The following KIAA1671 variants were observed in gnomAD, a reference collection of about 807,000 sequenced individuals.
KIAA1671 encodes KIAA1671.
KIAA1671 carries 52 observed loss-of-function variants against 131.2 expected under a neutral mutation model. That is an observed-to-expected ratio of 0.40 (90% CI 0.32 to 0.50). KIAA1671 has a LOEUF of 0.50. Ranked by LOEUF, KIAA1671 falls within the 20% of genes least tolerant of loss-of-function variation. The pLI is 0.73. For missense variants in KIAA1671, 2,360 were observed against 2,364.2 expected, an observed-to-expected ratio of 1.00 and a Z score of 0.04; for synonymous variants, 1,003 against 961.6, an observed-to-expected ratio of 1.04 and a Z score of -0.80.
chr22:25,015,842 T>C (rs1028022478), intron 1 of KIAA1671, among the ~76,000 whole-genome samples: 2 of 152,298 alleles, frequency 1.3e-5, no homozygotes, highest in African/African-American at 2.4e-5. Context: ...CGCACTCTGA[T>C]GGAATTTACA....
intron 1 of KIAA1671, chr22:25,022,768 C>A (rs1602074224): frequency 6.6e-6 from 1 of 152,220 alleles, no homozygotes; most frequent in African/African-American, 2.4e-5. Context: ...TGCCTTTGTT[C>A]TCCATCTGTT....
intron 11 of KIAA1671, chr22:25,186,544 C>T (rs1934481413): frequency 6.6e-6 from 1 of 152,252 alleles, no homozygotes; most frequent in Admixed American, 6.5e-5. Context: ...AGATGGAGGC[C>T]ATGATCGTGC....
chr22:25,184,862 G>C, intron 10 of KIAA1671, 115 bp from the exon 11 acceptor site: 1 of 1,201,286 alleles, frequency 8.3e-7, no homozygotes, highest in South Asian at 1.3e-5. Flanking sequence ...GGTTTATTCC[G>C]ATTCAGGGGG....
intron 6 of KIAA1671, among the ~76,000 whole-genome samples, chr22:25,117,416 G>A (rs1434226377): frequency 1.3e-5 from 2 of 152,128 alleles, no homozygotes; most frequent in Non-Finnish European, 1.5e-5. Context: ...TGTCGGCCTT[G>A]CTGGGAGCAT....
At position 25,196,108 on chromosome 22, in the gene KIAA1671, C is replaced by G. The variant is rs1934818166; in HGVS notation, c.*3707C>G. 1 of 152,162 alleles carries G rather than the reference C, an allele frequency of 6.6e-6. No homozygotes were observed. The highest frequency in any genetic ancestry group is 1.5e-5 in the Non-Finnish European group (1 of 68,060). 9.4% of individuals were successfully genotyped at this position (152,162 alleles called of 1,614,324 possible). On this transcript the variant is annotated 3_prime_UTR_variant, in exon 13 of 13. Transcript: ENST00000358431. ...AAAAAGCTGGTAGGCATGAGTGTGC[C>G]AGGTCTTTGCCAGCCTGCGTCTCCT...
chr22:25,084,232 T>G (rs1929572197), intron 6 of KIAA1671, among the ~76,000 whole-genome samples: 1 of 152,102 alleles, frequency 6.6e-6, no homozygotes, highest in South Asian at 2.1e-4. Context: ...ATCCCAGCAC[T>G]TTGGGAGGCC....
intron 6 of KIAA1671, among the ~76,000 whole-genome samples, chr22:25,145,686 C>G (rs8135949): frequency 0.029 from 4,461 of 152,304 alleles, 194 homozygotes; most frequent in African/African-American, 0.1. Flanking sequence ...CGCCTGTAAT[C>G]CCAGCATTTT....
At chr22:24,982,090 C>T (rs1383523479) in intron 1 of KIAA1671, among the ~76,000 whole-genome samples, 3 of 152,142 alleles carry the variant, frequency 2.0e-5, no homozygotes, top group African/African-American at 7.2e-5. Flanking sequence ...CATCCACGCA[C>T]CACTTGAGTG....
At chr22:25,009,141 C>T (rs552557546) in intron 1 of KIAA1671, among the ~76,000 whole-genome samples, 2 of 151,830 alleles carry the variant, frequency 1.3e-5, no homozygotes, top group East Asian at 1.9e-4. Context: ...CCCGAGACTT[C>T]ACAATACCAA....
chr22:25,161,883 C>T (rs1020489226), intron 6 of KIAA1671, among the ~76,000 whole-genome samples: 14 of 152,096 alleles, frequency 9.2e-5, no homozygotes, highest in Non-Finnish European at 1.3e-4. Context: ...GGCATGCCTC[C>T]CACTGCTTGG....
chr22:25,031,682 G>A (rs1273754787), intron 3 of KIAA1671, among the ~76,000 whole-genome samples: 1 of 152,272 alleles, frequency 6.6e-6, no homozygotes, highest in Admixed American at 6.5e-5. Flanking sequence ...TGTAGCCGGG[G>A]CTGACAACCC....
Position 25,029,456 on chromosome 22 carries a change from G to A in KIAA1671, c.1457G>A (p.Trp486Ter). Residue 486 changes from tryptophan to a stop codon, truncating the protein, a stop_gained, in exon 3 of 13, where the codon TGG becomes TAG. Coordinates refer to ENST00000358431, the MANE Select transcript of KIAA1671 (RefSeq NM_001145206.2). LOFTEE classifies it high-confidence loss of function. ...VVSVQERIRG[W>*]TAESSEAKPE... ...AGCGTTCAGGAACGGATCAGAGGCT[G>A]GACTGCCGAGAGCTCAGAGGCTAAG... 6.4e-7 allele frequency: 1 copy of A among 1,551,342 alleles called. No homozygotes were observed.
At chr22:24,993,861 T>G (rs1923969342) in intron 1 of KIAA1671, among the ~76,000 whole-genome samples, 1 of 152,058 alleles carries the variant, frequency 6.6e-6, no homozygotes, top group East Asian at 1.9e-4. Context: ...GTTGGATCAC[T>G]TGAGGTCAGG....
chr22:25,102,413 A>T (rs1339845340), intron 6 of KIAA1671: 1 of 152,024 alleles, frequency 6.6e-6, no homozygotes, highest in Admixed American at 6.6e-5. Context: ...TAGAAAAACG[A>T]TCATCCCTTG....
chr22:25,086,965 A>G (rs1929757358), intron 6 of KIAA1671, among the ~76,000 whole-genome samples: 1 of 152,172 alleles, frequency 6.6e-6, no homozygotes, highest in Admixed American at 6.5e-5. Context: ...CAGGCCTGTT[A>G]ACCCCCAAAC....
intron 1 of KIAA1671, among the ~76,000 whole-genome samples, chr22:24,971,550 G>C (rs937020329): frequency 1.3e-5 from 2 of 152,132 alleles, no homozygotes; most frequent in Admixed American, 1.3e-4. Context: ...CTGTTTCTCT[G>C]TTTTAGTTTC....
chr22:25,007,478 C>G (rs563777957), intron 1 of KIAA1671, among the ~76,000 whole-genome samples: 2 of 148,752 alleles, frequency 1.3e-5, no homozygotes, highest in African/African-American at 5.0e-5. Context: ...GAGTGAGACT[C>G]GGTCTCAAAA....
At position 25,181,344 on chromosome 22, in the gene KIAA1671, G is replaced by A. The variant is rs185607753; in HGVS notation, c.5075-355G>A. Among the ~76,000 whole-genome samples, 3 of 152,292 alleles carry A rather than the reference G, an allele frequency of 2.0e-5. No individual in the cohort carries two copies. In the East Asian group the frequency reaches 5.8e-4, roughly 29 times the overall value. On this transcript the variant is annotated intron_variant, in intron 9 of 12. Coordinates refer to ENST00000358431, the MANE Select transcript of KIAA1671 (RefSeq NM_001145206.2). ...ATTCTCCTCTGAGAGCATAACCTCG[G>A]TGCATTGTTGGCTGAAAGCATTCCT...
At chr22:25,025,434 T>C (rs966679584) in intron 1 of KIAA1671, among the ~76,000 whole-genome samples, 199 bp from the exon 2 acceptor site, 11 of 152,184 alleles carry the variant, frequency 7.2e-5, no homozygotes, top group African/African-American at 2.7e-4. Context: ...AAGATTTTTA[T>C]TGAGCACGTA....
Sources: allele counts gnomAD v4.1 joint callset (sites outside exome capture counted in the v4.1 genomes callset), GRCh38; gene constraint gnomAD v4.1.1; transcripts MANE v1.5; gene names NCBI Gene and HGNC (gene_info 2026-07-23, HGNC 2026-07-21).